The following TENT4A variants were observed in gnomAD, a reference collection of about 807,000 sequenced individuals.
The protein encoded by TENT4A is terminal nucleotidyltransferase 4A, also known as DNA polymerase kappa.
Under a neutral mutation model 72.8 loss-of-function variants are expected in TENT4A, and 7 were observed. The observed-to-expected ratio is 0.10, with a 90% CI of 0.05 to 0.18. The LOEUF is 0.18. Among genes scored for constraint, TENT4A ranks in the 10% least tolerant of loss-of-function variants. The pLI is 1.00. For synonymous variants in TENT4A, 456 were observed against 434.3 expected (o/e 1.05, Z -0.62); for missense variants, 831 against 1,017.7 (o/e 0.82, Z 2.50).
intron 11 of TENT4A, among the ~76,000 whole-genome samples, chr5:6,751,918 A>G (rs746728891): frequency 1.3e-5 from 2 of 152,222 alleles, no homozygotes; most frequent in African/African-American, 2.4e-5. Context: ...ACATTCTCAC[A>G]GGATCCACCG....
intron 9 of TENT4A, among the ~76,000 whole-genome samples, 184 bp downstream of exon 9, chr5:6,749,841 C>A (rs1417268315): frequency 1.3e-5 from 2 of 152,078 alleles, no homozygotes; most frequent in African/African-American, 4.8e-5. Flanking sequence ...ATAATGCATG[C>A]CACACATAGA....
chr5:6,733,104 A>G (rs1015156890), intron 1 of TENT4A, among the ~76,000 whole-genome samples: 1 of 152,232 alleles, frequency 6.6e-6, no homozygotes, highest in African/African-American at 2.4e-5. Context: ...TGAGATGTGT[A>G]TCATATAGGA....
intron 1 of TENT4A, among the ~76,000 whole-genome samples, chr5:6,734,628 A>G (rs1333834389): frequency 6.6e-6 from 1 of 152,244 alleles, no homozygotes; most frequent in East Asian, 1.9e-4. Flanking sequence ...CTTATTATCT[A>G]ATATTTGTTA....
chr5:6,719,138 A>C (rs1347315386), intron 1 of TENT4A, among the ~76,000 whole-genome samples: 1 of 152,218 alleles, frequency 6.6e-6, no homozygotes, highest in African/African-American at 2.4e-5. Flanking sequence ...AATTTTAAGT[A>C]AATATTTTAA....
At position 6,756,782 on chromosome 5, in the gene TENT4A, A is replaced by G. The variant is rs1742725198; in HGVS notation, c.*1837A>G. The stretch of plus-strand genomic sequence containing the variant: ...ATTGACTGTAAACCCACATTAAGGA[A>G]ACCACTACGGGTCTGGCAGTGCGTG... On this transcript the variant is annotated 3_prime_UTR_variant, in exon 13 of 13. Transcript: ENST00000230859. The G allele has an allele frequency of 6.6e-6, 1 of 152,664 alleles. No homozygotes were observed. Among genetic ancestry groups the G allele is most frequent in the African/African-American group, 2.4e-5 (1 of 41,462 alleles). 9.5% of individuals were successfully genotyped at this position (152,664 alleles called of 1,614,324 possible). A position where few individuals can be genotyped will look rare whatever the true frequency, so the allele number is the denominator to read the frequency against.
chr5:6,738,505 G>A (rs1044011234), intron 2 of TENT4A, among the ~76,000 whole-genome samples, 178 bp from the exon 3 acceptor site: 3 of 152,164 alleles, frequency 2.0e-5, no homozygotes, highest in African/African-American at 7.2e-5. Context: ...TTTTGGGCAT[G>A]TCTTTAACTT....
chr5:6,751,434 G>GCTTTTCAC, intron 11 of TENT4A: 3 of 414,696 alleles, frequency 7.2e-6, no homozygotes, highest in Non-Finnish European at 1.3e-5. Context: ...CTTTTCACGG[G>GCTTTTCAC]GGCCAGGTTG....
chr5:6,739,944 A>G (rs921565161), intron 4 of TENT4A, 92 bp downstream of exon 4: 21 of 1,243,254 alleles, frequency 1.7e-5, no homozygotes, highest in Middle Eastern at 4.3e-4. Context: ...AGCTTGTGGT[A>G]TTTTACACAG....
chr5:6,754,894 G>T lies in TENT4A; in HGVS notation c.2328G>T (p.Arg776Ser), dbSNP rs1742608293. The T allele has an allele frequency of 6.2e-7, 1 of 1,605,416 alleles. No individual in the cohort carries two copies. The highest frequency in any genetic ancestry group is 1.3e-5 in the African/African-American group (1 of 74,782). Residue 776 changes from arginine to serine, a missense_variant, in exon 13 of 13, where the codon AGG (arginine) becomes AGT (serine). Transcript: ENST00000230859. Reference sequence around the variant, plus strand: ...AGTATAACCGCACCGGCTGGAGGAGGAAAAAACACACACACACACGGGACA... The same window carrying T: ...AGTATAACCGCACCGGCTGGAGGAGTAAAAAACACACACACACACGGGACA... Reference protein sequence around the residue: ...HHQYNRTGWRRKKHTHTRDSL... With the variant: ...HHQYNRTGWRSKKHTHTRDSL...
chr5:6,744,375 T>G (rs1264774541), intron 6 of TENT4A, among the ~76,000 whole-genome samples: 1 of 152,256 alleles, frequency 6.6e-6, no homozygotes, highest in Non-Finnish European at 1.5e-5. Flanking sequence ...CTGTGATGTA[T>G]TGATAAACTG....
chr5:6,714,582 A>G lies in TENT4A; in HGVS notation c.599A>G (p.Asn200Ser). ...RENKASTYGL[N>S]YLLSGSRAAA... ...AACAAGGCCAGCACCTACGGCCTCA[A>G]CTACCTGCTGTCCGGCAGCCGCGCG... Residue 200 changes from asparagine (N) to serine (S), a missense_variant, in exon 1 of 13, where the codon AAC becomes AGC. By Grantham distance (46) the Asn-to-Ser change is conservative (BLOSUM62 1). This residue lies in a region of TENT4A where 302 missense variants were observed against 293.8 expected (regional missense o/e 1.03). Transcript: ENST00000230859. 3 of 1,198,554 alleles carry G rather than the reference A, an allele frequency of 2.5e-6. No homozygotes were observed. Among genetic ancestry groups the G allele is most frequent in the Non-Finnish European group, 2.1e-6 (2 of 966,490 alleles). 74.2% of individuals were successfully genotyped at this position (1,198,554 alleles called of 1,614,324 possible). A position where few individuals can be genotyped will look rare whatever the true frequency, so the allele number is the denominator to read the frequency against.
At chr5:6,719,650 G>A (rs78281852) in intron 1 of TENT4A, among the ~76,000 whole-genome samples, 209 of 152,316 alleles carry the variant, frequency 1.4e-3, no homozygotes, top group African/African-American at 4.9e-3. Flanking sequence ...CAGGCAGGTG[G>A]TCTCAGTCAG....
intron 1 of TENT4A, among the ~76,000 whole-genome samples, chr5:6,732,613 CGA>C (rs368780785): frequency 8.8e-4 from 134 of 152,284 alleles, no homozygotes; most frequent in African/African-American, 3.1e-3. Flanking sequence ...TGATTGTAAA[CGA>C]GAGTGATCTT....
At chr5:6,745,092 C>T (rs1742015017) in intron 6 of TENT4A, among the ~76,000 whole-genome samples, 1 of 152,188 alleles carries the variant, frequency 6.6e-6, no homozygotes. Context: ...GTGACTGTGG[C>T]AGCATCTGAG....
intron 9 of TENT4A, 35 bp downstream of exon 9, chr5:6,749,692 A>G (rs1194038470): frequency 7.4e-7 from 1 of 1,349,984 alleles, no homozygotes; most frequent in South Asian, 1.2e-5. Context: ...CATCCTAACC[A>G]CTGGCTGGCA....
At chr5:6,715,727 G>A (rs1027619344) in intron 1 of TENT4A, among the ~76,000 whole-genome samples, 2 of 152,218 alleles carry the variant, frequency 1.3e-5, no homozygotes, top group African/African-American at 4.8e-5. Flanking sequence ...CTCATTTGAA[G>A]TATGTTGGGA....
intron 11 of TENT4A, among the ~76,000 whole-genome samples, chr5:6,751,772 G>A (rs1321416000): frequency 6.6e-6 from 1 of 152,168 alleles, no homozygotes; most frequent in African/African-American, 2.4e-5. Flanking sequence ...ATATGTGTGG[G>A]TATAAAACCC....
chr5:6,739,064 T>C (rs974620856), intron 3 of TENT4A, among the ~76,000 whole-genome samples: 2 of 152,210 alleles, frequency 1.3e-5, no homozygotes, highest in African/African-American at 4.8e-5. Context: ...GAAAAATTGA[T>C]CTTATGTTTT....
At chr5:6,715,115 C>T (rs1377843102) in intron 1 of TENT4A, 2 of 153,578 alleles carry the variant, frequency 1.3e-5, no homozygotes, top group Non-Finnish European at 2.9e-5. Context: ...CGAATCACGT[C>T]GAAGGTAAAT....
Sources: allele counts gnomAD v4.1 joint callset (sites outside exome capture counted in the v4.1 genomes callset), GRCh38; gene constraint gnomAD v4.1.1; regional missense constraint gnomAD v4.1.1; transcripts MANE v1.5; gene names NCBI Gene and HGNC (gene_info 2026-07-23, HGNC 2026-07-21).